The following SLC24A3 variants were observed in gnomAD, a reference collection of about 807,000 sequenced individuals.
The protein encoded by SLC24A3 is solute carrier family 24 member 3.
SLC24A3 carries 28 observed loss-of-function variants against 75.8 expected under a neutral mutation model. That is an observed-to-expected ratio of 0.37 (90% confidence interval 0.27 to 0.51). SLC24A3 has a LOEUF of 0.51. Ranked by LOEUF, SLC24A3 falls within the 20% of genes least tolerant of loss-of-function variation. The probability of loss-of-function intolerance (pLI) is 0.94; values close to 1 mark genes in which losing one functional copy is unlikely to be tolerated. For synonymous variants in SLC24A3, 372 were observed against 334.1 expected, an observed-to-expected ratio of 1.11 and a Z score of -1.24; for missense variants, 663 against 847.8, an observed-to-expected ratio of 0.78 and a Z score of 2.71.
chr20:19,607,055 A>T (rs749610033), intron 6 of SLC24A3, among the ~76,000 whole-genome samples: 8 of 152,162 alleles, frequency 5.3e-5, no homozygotes, highest in Non-Finnish European at 1.2e-4. Flanking sequence ...ATCTTCAAGG[A>T]AGCCACCAGA....
At chr20:19,316,872 GA>G (rs1161607586) in intron 2 of SLC24A3, among the ~76,000 whole-genome samples, 1 of 152,052 alleles carries the variant, frequency 6.6e-6, no homozygotes, top group Non-Finnish European at 1.5e-5. Context: ...ACATGTGCAG[GA>G]TGTGCAGGTT....
chr20:19,221,396 T>C (rs1981707111), intron 1 of SLC24A3, among the ~76,000 whole-genome samples: 1 of 152,174 alleles, frequency 6.6e-6, no homozygotes, highest in Admixed American at 6.5e-5. Context: ...ATATTTCTTT[T>C]AACTTTCCCT....
chr20:19,710,758 T>C (rs1170342208), intron 15 of SLC24A3, among the ~76,000 whole-genome samples: 1 of 152,220 alleles, frequency 6.6e-6, no homozygotes, highest in Non-Finnish European at 1.5e-5. Context: ...TCAGGGAAAG[T>C]TACTGGGATG....
At chr20:19,305,245 T>A (rs1208378393) in intron 2 of SLC24A3, among the ~76,000 whole-genome samples, 1 of 152,074 alleles carries the variant, frequency 6.6e-6, no homozygotes, top group East Asian at 1.9e-4. Flanking sequence ...CATGAGGAAA[T>A]GTGGGAGGAT....
chr20:19,636,064 C>T (rs60026831), intron 6 of SLC24A3, among the ~76,000 whole-genome samples: 7,636 of 152,112 alleles, frequency 0.05, 297 homozygotes, highest in African/African-American at 0.11. Flanking sequence ...GGCATGAACC[C>T]GGGAGGCAGA....
intron 1 of SLC24A3, among the ~76,000 whole-genome samples, chr20:19,251,560 A>G (rs1246530457): frequency 6.6e-6 from 1 of 152,144 alleles, no homozygotes; most frequent in African/African-American, 2.4e-5. Context: ...ACTGCAGGGG[A>G]CAACGAGGGC....
intron 1 of SLC24A3, among the ~76,000 whole-genome samples, chr20:19,243,113 A>G (rs563160052): frequency 2.0e-5 from 3 of 152,344 alleles, no homozygotes; most frequent in Non-Finnish European, 2.9e-5. Flanking sequence ...AATTTTAGAT[A>G]GGGCTTTTAC....
intron 3 of SLC24A3, among the ~76,000 whole-genome samples, chr20:19,562,515 A>G (rs1192531005): frequency 6.6e-6 from 1 of 152,196 alleles, no homozygotes; most frequent in Non-Finnish European, 1.5e-5. Flanking sequence ...GTCTAACAAG[A>G]GAGGTTTTGA....
chr20:19,262,600 C>G (rs1458596336), intron 1 of SLC24A3, among the ~76,000 whole-genome samples: 1 of 152,084 alleles, frequency 6.6e-6, no homozygotes, highest in Non-Finnish European at 1.5e-5. Context: ...CCCAATTGTG[C>G]TACAATGATG....
intron 2 of SLC24A3, among the ~76,000 whole-genome samples, chr20:19,318,903 G>GCT (rs2122272993): frequency 6.6e-6 from 1 of 152,174 alleles, no homozygotes; most frequent in Non-Finnish European, 1.5e-5. Context: ...TCTAAATGAT[G>GCT]CTTTTTTTTC....
chr20:19,386,848 C>T (rs1427997350), intron 2 of SLC24A3, among the ~76,000 whole-genome samples: 2 of 152,082 alleles, frequency 1.3e-5, no homozygotes. Context: ...CATCTATGCT[C>T]ATCAGATATA....
At chr20:19,665,923 A>G in intron 8 of SLC24A3, 34 bp downstream of exon 8, 1 of 1,609,168 alleles carries the variant, frequency 6.2e-7, no homozygotes, top group Non-Finnish European at 8.5e-7. Context: ...TCATTTCTGA[A>G]TGTTATGTTG....
intron 2 of SLC24A3, among the ~76,000 whole-genome samples, chr20:19,340,940 C>CT (rs1173757528): frequency 6.6e-6 from 1 of 152,202 alleles, no homozygotes; most frequent in Non-Finnish European, 1.5e-5. Context: ...AAGCAGCTGA[C>CT]TTGTACAGGA....
chr20:19,551,701 T>G (rs561479669), intron 3 of SLC24A3, among the ~76,000 whole-genome samples: 2 of 152,188 alleles, frequency 1.3e-5, no homozygotes, highest in Non-Finnish European at 2.9e-5. Flanking sequence ...CGGCTCCTGC[T>G]GACTGAGACA....
chr20:19,260,968 G>A (rs566839084), intron 1 of SLC24A3, among the ~76,000 whole-genome samples: 3 of 152,318 alleles, frequency 2.0e-5, no homozygotes, highest in Non-Finnish European at 4.4e-5. Context: ...ATGGGAAACC[G>A]AATCAGGGTT....
intron 2 of SLC24A3, among the ~76,000 whole-genome samples, chr20:19,304,303 C>G (rs1395531431): frequency 6.6e-6 from 1 of 152,130 alleles, no homozygotes; most frequent in Non-Finnish European, 1.5e-5. Flanking sequence ...TGGCTCTGTT[C>G]CTTGCTATTG....
chr20:19,453,963 C>T (rs181416503), intron 2 of SLC24A3, among the ~76,000 whole-genome samples: 4 of 152,336 alleles, frequency 2.6e-5, no homozygotes, highest in East Asian at 3.9e-4. Flanking sequence ...AGCTAAACAG[C>T]GCCAACACTG....
In SLC24A3 at chr20:19,588,792, G is replaced by A. The variant is rs973164691; in HGVS notation, c.612+3248G>A. Among the ~76,000 whole-genome samples the A allele has an allele frequency of 2.0e-5, 3 of 152,192 alleles. No individual in the cohort carries two copies. In the East Asian group the frequency reaches 5.8e-4, roughly 29 times the overall value. ...GTAAAACAATGTACTTGTGAATTTC[G>A]ATCTGCCGTTCAGAGCATGTTAAGA... On this transcript the variant is annotated intron_variant, in intron 6 of 16. Coordinates refer to ENST00000328041, the MANE Select transcript of SLC24A3 (RefSeq NM_020689.4).
intron 2 of SLC24A3, among the ~76,000 whole-genome samples, chr20:19,363,303 G>A (rs752073217): frequency 4.6e-5 from 7 of 152,208 alleles, no homozygotes; most frequent in Non-Finnish European, 1.0e-4. Context: ...CACACCACAA[G>A]GAAGAATAGC....
Sources: allele counts gnomAD v4.1 joint callset (sites outside exome capture counted in the v4.1 genomes callset), GRCh38; gene constraint gnomAD v4.1.1; transcripts MANE v1.5; gene names NCBI Gene and HGNC (gene_info 2026-07-23, HGNC 2026-07-21).